BBS9: variants seen among roughly 807,000 people sequenced by gnomAD.
The protein encoded by BBS9 is Bardet-Biedl syndrome 9, also known as protein PTHB1.
In BBS9, 89 loss-of-function variants were observed where a neutral mutation model predicts 117.7. The observed-to-expected ratio is 0.76, with a 90% CI of 0.64 to 0.90. The LOEUF is 0.90. Among genes scored for constraint, BBS9 ranks in the 40% least tolerant of loss-of-function variants. BBS9 has a pLI of 0.00. For synonymous variants in BBS9, 379 were observed against 370.9 expected, an observed-to-expected ratio of 1.02 and a Z score of -0.25; for missense variants, 982 against 1,042.2, an observed-to-expected ratio of 0.94 and a Z score of 0.80.
chr7:33,232,567 C>T (rs1160371552), intron 5 of BBS9, among the ~76,000 whole-genome samples: 1 of 151,904 alleles, frequency 6.6e-6, no homozygotes, highest in African/African-American at 2.4e-5. Context: ...ATTATTTTTA[C>T]TTCCTTAGGT....
intron 9 of BBS9, among the ~76,000 whole-genome samples, chr7:33,316,749 G>A (rs749970203): frequency 6.6e-6 from 1 of 152,024 alleles, no homozygotes; most frequent in African/African-American, 2.4e-5. Context: ...GGTTGTTATA[G>A]TAGTTCTTTA....
chr7:33,336,487 C>A lies in BBS9; in HGVS notation c.1063C>A (p.Gln355Lys). The A allele has an allele frequency of 1.2e-6, 2 of 1,613,702 alleles. No homozygotes were observed. The highest frequency in any genetic ancestry group is 2.2e-5 in the South Asian group (2 of 91,038). The change falls in exon 10 of 23, where the codon CAG becomes AAG. Residue 355 changes from glutamine to lysine, a missense_variant. Physicochemically the swap from Gln to Lys is moderately conservative, Grantham distance 53 (BLOSUM62 1). Coordinates refer to ENST00000242067, the MANE Select transcript of BBS9 (RefSeq NM_198428.3). ...IVTLSDDGHL[Q>K]CSYLGTDPSL... ...CACTCTGAGTGATGATGGTCACTTG[C>A]AGTGTTCATACCTGGGGACAGATCC...
At chr7:33,563,753 A>C (rs1355005602) in intron 21 of BBS9, among the ~76,000 whole-genome samples, 1 of 152,200 alleles carries the variant, frequency 6.6e-6, no homozygotes, top group Admixed American at 6.5e-5. Flanking sequence ...GTGTATTGTA[A>C]GTGATGGTCG....
At chr7:33,524,238 T>C (rs1446305337) in intron 20 of BBS9, among the ~76,000 whole-genome samples, 1 of 151,642 alleles carries the variant, frequency 6.6e-6, no homozygotes, top group Non-Finnish European at 1.5e-5. Context: ...TGCCCAGCTT[T>C]GGTATCAGAA....
chr7:33,156,921 T>C (rs1290665309), intron 4 of BBS9, among the ~76,000 whole-genome samples: 4 of 152,104 alleles, frequency 2.6e-5, no homozygotes, highest in Non-Finnish European at 1.5e-5. Flanking sequence ...GAAGGTATTA[T>C]CATACGATAT....
intron 5 of BBS9, among the ~76,000 whole-genome samples, chr7:33,205,360 G>C (rs551934878): frequency 6.6e-6 from 1 of 152,004 alleles, no homozygotes; most frequent in Non-Finnish European, 1.5e-5. Context: ...TTTCAGTTTT[G>C]TTCTTTCTAA....
chr7:33,325,892 A>C (rs956310560), intron 9 of BBS9, among the ~76,000 whole-genome samples: 1 of 152,110 alleles, frequency 6.6e-6, no homozygotes, highest in Non-Finnish European at 1.5e-5. Context: ...GTAGTGACAC[A>C]AGGACTCCCA....
At chr7:33,578,431 C>T (rs1585336405) in intron 21 of BBS9, among the ~76,000 whole-genome samples, 1 of 152,310 alleles carries the variant, frequency 6.6e-6, no homozygotes, top group South Asian at 2.1e-4. Flanking sequence ...TGGAATGGAG[C>T]AAGACAATGC....
intron 21 of BBS9, among the ~76,000 whole-genome samples, chr7:33,586,188 TA>T (rs1377564279): frequency 6.6e-6 from 1 of 151,780 alleles, no homozygotes; most frequent in African/African-American, 2.4e-5. Context: ...CTTAAACAAA[TA>T]AACAAGTAAA....
At chr7:33,150,625 T>A (rs1316531970) in intron 2 of BBS9, among the ~76,000 whole-genome samples, 1 of 152,196 alleles carries the variant, frequency 6.6e-6, no homozygotes, top group African/African-American at 2.4e-5. Flanking sequence ...AGTGATTTAT[T>A]AGGTGAACTT....
intron 9 of BBS9, among the ~76,000 whole-genome samples, chr7:33,279,775 A>T (rs775907919): frequency 6.6e-6 from 1 of 152,142 alleles, no homozygotes; most frequent in Admixed American, 6.6e-5. Flanking sequence ...CAATTTTTGT[A>T]GGTCAGACTA....
chr7:33,588,727 G>A (rs945420677), intron 21 of BBS9, among the ~76,000 whole-genome samples: 1 of 152,160 alleles, frequency 6.6e-6, no homozygotes, highest in Non-Finnish European at 1.5e-5. Flanking sequence ...GATAGGCTTT[G>A]TTCACAAGAC....
chr7:33,260,094 C>T (rs1797730101), intron 6 of BBS9, among the ~76,000 whole-genome samples: 1 of 151,498 alleles, frequency 6.6e-6, no homozygotes, highest in South Asian at 2.1e-4. Flanking sequence ...CTGCCTCCCG[C>T]GTTCAAGCAA....
chr7:33,212,312 A>C (rs1007575565), intron 5 of BBS9, among the ~76,000 whole-genome samples: 4 of 152,074 alleles, frequency 2.6e-5, no homozygotes, highest in African/African-American at 9.7e-5. Context: ...AAGCTCACTA[A>C]TTCTTTCTTC....
At position 33,349,777 on chromosome 7, in the gene BBS9, T is replaced by C. The variant is rs377060176; in HGVS notation, c.1432+607T>C. Among the ~76,000 whole-genome samples the C allele has an allele frequency of 3.9e-5, 6 of 152,324 alleles. No individual in the cohort carries two copies. The East Asian group carries it at 7.7e-4, about 20-fold the overall frequency. ...AGAAGGCTTTCTTTATTGGTGTTTCTTTAGTGATCTATTTATTGAATCGGT... is the reference window on the plus strand; with the variant it reads ...AGAAGGCTTTCTTTATTGGTGTTTCCTTAGTGATCTATTTATTGAATCGGT... On this transcript the variant is annotated intron_variant, in intron 13 of 22. Coordinates refer to ENST00000242067, the MANE Select transcript of BBS9 (RefSeq NM_198428.3).
chr7:33,401,780 C>T (rs557754690), intron 19 of BBS9, among the ~76,000 whole-genome samples: 1 of 152,202 alleles, frequency 6.6e-6, no homozygotes, highest in African/African-American at 2.4e-5. Context: ...CCAGTTGATT[C>T]TGTCTAGAAA....
At chr7:33,410,956 T>TAC (rs1831016221) in intron 19 of BBS9, among the ~76,000 whole-genome samples, 1 of 148,428 alleles carries the variant, frequency 6.7e-6, no homozygotes, top group African/African-American at 2.5e-5. Context: ...ATCCGTCTAA[T>TAC]ATATATATAT....
At chr7:33,272,541 A>G (rs953889503) in intron 7 of BBS9, among the ~76,000 whole-genome samples, 1 of 152,178 alleles carries the variant, frequency 6.6e-6, no homozygotes, top group Non-Finnish European at 1.5e-5. Flanking sequence ...GTATCCCAGC[A>G]ATATGGAGAT....
intron 21 of BBS9, among the ~76,000 whole-genome samples, chr7:33,545,574 C>G (rs891538154): frequency 6.6e-6 from 1 of 152,070 alleles, no homozygotes; most frequent in Non-Finnish European, 1.5e-5. Context: ...AGTCTTGCTT[C>G]CTTGAGGGAG....
Sources: allele counts gnomAD v4.1 joint callset (sites outside exome capture counted in the v4.1 genomes callset), GRCh38; gene constraint gnomAD v4.1.1; transcripts MANE v1.5; gene names NCBI Gene and HGNC (gene_info 2026-07-23, HGNC 2026-07-21).